The following ATP2B2 variants were observed in gnomAD, a reference collection of about 807,000 sequenced individuals.
The protein encoded by ATP2B2 is ATPase plasma membrane Ca2+ transporting 2.
ATP2B2 carries 15 observed loss-of-function variants against 120.0 expected under a neutral mutation model. The observed-to-expected ratio is 0.12, with a 90% CI of 0.08 to 0.19. ATP2B2 has a LOEUF of 0.19. Among genes scored for constraint, ATP2B2 ranks in the 10% least tolerant of loss-of-function variants. The pLI, the probability that ATP2B2 is intolerant of heterozygous loss-of-function variation, is 1.00. For synonymous variants in ATP2B2, 694 were observed against 700.3 expected (o/e 0.99, Z 0.14); for missense variants, 1,045 against 1,719.8 (o/e 0.61, Z 6.94).
chr3:10,613,033 C>A (rs1462137320), intron 2 of ATP2B2, among the ~76,000 whole-genome samples: 5 of 152,164 alleles, frequency 3.3e-5, no homozygotes, highest in Non-Finnish European at 7.3e-5. Flanking sequence ...GCCAGCCTGG[C>A]CTCCACCGAG....
chr3:10,634,900 A>C (rs578102448), intron 1 of ATP2B2, among the ~76,000 whole-genome samples: 2 of 152,196 alleles, frequency 1.3e-5, no homozygotes, highest in East Asian at 3.9e-4. Flanking sequence ...AACTTTCTTG[A>C]GGGGCAGGTT....
intron 1 of ATP2B2, among the ~76,000 whole-genome samples, chr3:10,622,094 G>A (rs928737710): frequency 1.3e-5 from 2 of 152,188 alleles, no homozygotes; most frequent in Admixed American, 6.5e-5. Flanking sequence ...CACCTGTCAC[G>A]CCCAGCACCT....
At chr3:10,336,207 TG>T in intron 22 of ATP2B2, 1 of 1,550,636 alleles carries the variant, frequency 6.4e-7, no homozygotes, top group Non-Finnish European at 8.7e-7. Context: ...CTAGAGAGAT[TG>T]GCTACATCCT....
intron 1 of ATP2B2, among the ~76,000 whole-genome samples, chr3:10,468,577 G>A (rs2064853085): frequency 6.6e-6 from 1 of 152,230 alleles, no homozygotes; most frequent in African/African-American, 2.4e-5. Context: ...GTTCATCATA[G>A]TGCAGCCTCC....
intron 5 of ATP2B2, among the ~76,000 whole-genome samples, chr3:10,397,040 C>T (rs1302411713): frequency 1.3e-5 from 2 of 152,200 alleles, no homozygotes; most frequent in African/African-American, 4.8e-5. Flanking sequence ...TCCTATTGTC[C>T]TCCCAGGGAA....
chr3:10,517,821 G>A (rs944731761), intron 3 of ATP2B2, among the ~76,000 whole-genome samples: 2 of 152,232 alleles, frequency 1.3e-5, no homozygotes, highest in Admixed American at 6.5e-5. Context: ...TTGGCTCTAG[G>A]CACTGTGCCG....
intron 1 of ATP2B2, among the ~76,000 whole-genome samples, chr3:10,639,107 T>C (rs1004035007): frequency 3.9e-5 from 6 of 152,196 alleles, no homozygotes; most frequent in African/African-American, 1.4e-4. Flanking sequence ...ATATTCGTTA[T>C]GTACATCACC....
chr3:10,669,296 T>C (rs2071031373), intron 1 of ATP2B2, among the ~76,000 whole-genome samples: 1 of 152,162 alleles, frequency 6.6e-6, no homozygotes, highest in African/African-American at 2.4e-5. Flanking sequence ...GAGCAGGGCA[T>C]GACTGGGAGG....
At chr3:10,623,242 G>GT (rs1178081844) in intron 1 of ATP2B2, among the ~76,000 whole-genome samples, 1 of 151,814 alleles carries the variant, frequency 6.6e-6, no homozygotes, top group African/African-American at 2.4e-5. Flanking sequence ...TTTTAAAAAT[G>GT]TTTTTTGTGG....
chr3:10,449,669 A>T lies in ATP2B2; in HGVS notation c.-126T>A. 1.7e-6 allele frequency: 2 copies of T among 1,187,052 alleles called. No individual in the cohort carries two copies. The highest frequency in any genetic ancestry group is 1.3e-5 in the South Asian group (1 of 77,232). The allele number at this position is 1,187,052 out of a possible 1,614,324, so 73.5% of individuals were successfully genotyped here. ...GGTCAGCTGTGGCACCAGGCGGCCG[A>T]CTCCGGGTCCCGGGGGGTGGGGGTG... On this transcript the variant is annotated 5_prime_UTR_variant, in exon 2 of 23. Transcript: ENST00000360273.
intron 1 of ATP2B2, among the ~76,000 whole-genome samples, chr3:10,680,078 G>T (rs2071345281): frequency 6.6e-6 from 1 of 152,184 alleles, no homozygotes. Context: ...AACATTTGTT[G>T]AATGAATGAA....
chr3:10,458,809 T>A (rs1279590310), intron 1 of ATP2B2, among the ~76,000 whole-genome samples: 2 of 152,230 alleles, frequency 1.3e-5, no homozygotes, highest in Non-Finnish European at 2.9e-5. Flanking sequence ...CACGGCCATA[T>A]GGGTAGGACT....
chr3:10,521,406 G>C (rs1559437121), intron 3 of ATP2B2, among the ~76,000 whole-genome samples: 1 of 152,258 alleles, frequency 6.6e-6, no homozygotes, highest in Non-Finnish European at 1.5e-5. Flanking sequence ...TGAACTTTCA[G>C]TCTGGGAACT....
chr3:10,626,284 C>A (rs1425097236), intron 1 of ATP2B2: 4 of 152,232 alleles, frequency 2.6e-5, no homozygotes, highest in African/African-American at 9.7e-5. Context: ...GGGACTCCGG[C>A]CTTTTTCCAC....
intron 1 of ATP2B2, among the ~76,000 whole-genome samples, chr3:10,686,348 C>G (rs993592710): frequency 6.6e-6 from 1 of 152,094 alleles, no homozygotes; most frequent in Admixed American, 6.5e-5. Flanking sequence ...AATAGTATCA[C>G]GTCTGTTTTT....
At chr3:10,576,254 C>T (rs371724065) in intron 2 of ATP2B2, among the ~76,000 whole-genome samples, 1 of 152,314 alleles carries the variant, frequency 6.6e-6, no homozygotes, top group African/African-American at 2.4e-5. Flanking sequence ...CTCGGCAGAA[C>T]GTCCTTGCAG....
At chr3:10,392,173 C>T (rs2124904665) in intron 5 of ATP2B2, among the ~76,000 whole-genome samples, 1 of 152,242 alleles carries the variant, frequency 6.6e-6, no homozygotes, top group East Asian at 1.9e-4. Context: ...CTCTGGGCCT[C>T]CCCCGCACAG....
At chr3:10,513,409 G>A (rs1323553230) in intron 3 of ATP2B2, among the ~76,000 whole-genome samples, 1 of 152,222 alleles carries the variant, frequency 6.6e-6, no homozygotes, top group Admixed American at 6.5e-5. Context: ...GAGAGGCAGT[G>A]GGGGCCCCTG....
chr3:10,494,287 C>T (rs1356025638), intron 1 of ATP2B2, among the ~76,000 whole-genome samples: 1 of 152,186 alleles, frequency 6.6e-6, no homozygotes, highest in Non-Finnish European at 1.5e-5. Context: ...TCCCTTGCAT[C>T]AGGCATGGTT....
Sources: gnomAD v4.1 joint callset for allele counts (sites outside exome capture counted in the v4.1 genomes callset) on GRCh38, gnomAD v4.1.1 for gene constraint, MANE v1.5 for transcripts, NCBI Gene and HGNC (gene_info 2026-07-23, HGNC 2026-07-21) for gene names.